Variants in MAGI1 observed in about 807,000 individuals in gnomAD.
The protein encoded by MAGI1 is membrane-associated guanylate kinase, WW and PDZ domain-containing protein 1.
Under a neutral mutation model 139.9 loss-of-function variants are expected in MAGI1, and 58 were observed. The ratio of observed to expected loss-of-function variants is 0.41; its 90% CI spans 0.34 to 0.52. The LOEUF (loss-of-function observed/expected upper bound fraction) is 0.52. Among genes scored for constraint, MAGI1 ranks in the 20% least tolerant of loss-of-function variants. The pLI, the probability that MAGI1 is intolerant of heterozygous loss-of-function variation, is 0.12. For missense variants in MAGI1, 1,874 were observed against 1,901.6 expected, an observed-to-expected ratio of 0.99 and a Z score of 0.27; for synonymous variants, 812 against 737.9, an observed-to-expected ratio of 1.10 and a Z score of -1.63.
chr3:65,531,928 A>G (rs1039091970), intron 2 of MAGI1, among the ~76,000 whole-genome samples: 1 of 152,174 alleles, frequency 6.6e-6, no homozygotes, highest in Admixed American at 6.5e-5. Flanking sequence ...AGCCATCACT[A>G]TTATTATTTT....
intron 2 of MAGI1, among the ~76,000 whole-genome samples, chr3:65,610,751 C>T (rs900362573): frequency 4.7e-5 from 1 of 21,180 alleles, no homozygotes; most frequent in Admixed American, 3.3e-4. Context: ...AGTATATATA[C>T]AGTATATATA....
At chr3:65,838,475 G>A (rs149708895) in intron 1 of MAGI1, among the ~76,000 whole-genome samples, 117 of 152,240 alleles carry the variant, frequency 7.7e-4, no homozygotes, top group African/African-American at 2.8e-3. Context: ...TACATAAATA[G>A]AATCATACAA....
At chr3:65,841,330 C>T (rs1376639805) in intron 1 of MAGI1, among the ~76,000 whole-genome samples, 1 of 151,822 alleles carries the variant, frequency 6.6e-6, no homozygotes, top group African/African-American at 2.4e-5. Flanking sequence ...GTTTATTTTG[C>T]TCCTCGTCTT....
chr3:65,417,213 T>C (rs769815490), intron 12 of MAGI1, among the ~76,000 whole-genome samples: 11 of 152,078 alleles, frequency 7.2e-5, no homozygotes, highest in Non-Finnish European at 1.3e-4. Flanking sequence ...GAATAGCTAA[T>C]GAATGCTAGG....
At chr3:65,505,241 G>A (rs1291188049) in intron 2 of MAGI1, among the ~76,000 whole-genome samples, 1 of 152,102 alleles carries the variant, frequency 6.6e-6, no homozygotes, top group Non-Finnish European at 1.5e-5. Context: ...ATTTCAACCA[G>A]ATAATTTTCA....
chr3:65,547,531 AAGGTACCCC>A (rs1456666817), intron 2 of MAGI1, among the ~76,000 whole-genome samples: 7 of 152,092 alleles, frequency 4.6e-5, no homozygotes, highest in Non-Finnish European at 1.0e-4. Flanking sequence ...TTGTCACCTC[AAGGTACCCC>A]AGAATGAAAC....
intron 2 of MAGI1, among the ~76,000 whole-genome samples, chr3:65,528,298 G>A (rs199797546): frequency 2.0e-4 from 30 of 152,102 alleles, no homozygotes; most frequent in Non-Finnish European, 3.8e-4. Context: ...TTATCTAAGC[G>A]TTTCTCAAAA....
intron 5 of MAGI1, among the ~76,000 whole-genome samples, chr3:65,465,195 C>T (rs1272962256): frequency 1.3e-5 from 2 of 151,086 alleles, no homozygotes; most frequent in African/African-American, 4.8e-5. Flanking sequence ...ACACTCAAAC[C>T]TAATTTGGAA....
In MAGI1 at chr3:65,915,435, G is replaced by A. The variant is rs749353842; in HGVS notation, c.313+122561C>T. Among the ~76,000 whole-genome samples, 67 of 152,146 alleles carry A rather than the reference G, an allele frequency of 4.4e-4. 1 individual carries two copies. Among genetic ancestry groups the A allele is most frequent in the Non-Finnish European group, 7.2e-4 (49 of 68,028 alleles). Reference sequence around the variant, plus strand: ...CCGTTCAAGTTACTCTTCTCACCTTGTCTTCCAGCAGATGATCTGCACACT... The same window carrying A: ...CCGTTCAAGTTACTCTTCTCACCTTATCTTCCAGCAGATGATCTGCACACT... On this transcript the variant is annotated intron_variant, in intron 1 of 22. Transcript: ENST00000402939.
At position 65,667,228 on chromosome 3, in the gene MAGI1, T is replaced by C. The variant is rs546672413; in HGVS notation, c.314-45140A>G. ...CTAGGCCTTCAGGGACAATTCAAAA[T>C]TGGGAAAGTAGGACTACAGTATGTG... On this transcript the variant is annotated intron_variant, in intron 1 of 22. Transcript: ENST00000402939. Among the ~76,000 whole-genome samples the C allele has an allele frequency of 8.5e-5, 13 of 152,210 alleles. No homozygotes were observed. The South Asian group carries it at 2.7e-3, about 32-fold the overall frequency.
intron 1 of MAGI1, among the ~76,000 whole-genome samples, chr3:65,908,758 G>A (rs1489265236): frequency 6.6e-6 from 1 of 152,106 alleles, no homozygotes; most frequent in African/African-American, 2.4e-5. Flanking sequence ...TGGAAAATGT[G>A]GATCAGCCTT....
intron 1 of MAGI1, among the ~76,000 whole-genome samples, chr3:65,904,531 T>C (rs2061361279): frequency 6.6e-6 from 1 of 152,162 alleles, no homozygotes; most frequent in Non-Finnish European, 1.5e-5. Flanking sequence ...CCCACTGTTC[T>C]ACCCCAGACC....
chr3:65,819,494 A>T (rs1466839568), intron 1 of MAGI1, among the ~76,000 whole-genome samples: 1 of 152,090 alleles, frequency 6.6e-6, no homozygotes, highest in Non-Finnish European at 1.5e-5. Flanking sequence ...GGCTAGAGAG[A>T]TCTTCCTTCA....
At chr3:65,369,655 C>T (rs960849314) in intron 18 of MAGI1, among the ~76,000 whole-genome samples, 6 of 152,034 alleles carry the variant, frequency 3.9e-5, no homozygotes, top group Non-Finnish European at 8.8e-5. Context: ...ACTACAGGCA[C>T]GCGCCACCAT....
intron 12 of MAGI1, among the ~76,000 whole-genome samples, chr3:65,402,790 G>A (rs1008460967): frequency 6.6e-6 from 1 of 152,148 alleles, no homozygotes; most frequent in African/African-American, 2.4e-5. Context: ...AGTGAGGCAT[G>A]ATGAGGATTA....
At chr3:65,916,702 T>G (rs2061923971) in intron 1 of MAGI1, among the ~76,000 whole-genome samples, 1 of 152,056 alleles carries the variant, frequency 6.6e-6, no homozygotes, top group Non-Finnish European at 1.5e-5. Context: ...CCTCCCACAG[T>G]GCTGAGATTA....
intron 1 of MAGI1, among the ~76,000 whole-genome samples, chr3:65,882,926 C>A (rs1293859305): frequency 7.4e-5 from 10 of 134,994 alleles, no homozygotes; most frequent in Non-Finnish European, 1.5e-4. Context: ...CAGAGCAAGA[C>A]CCTGTCTCAA....
Position 65,356,550 on chromosome 3 carries a change from G to A in MAGI1, c.4217C>T (p.Ser1406Phe), listed in dbSNP as rs1430251228. The A allele has an allele frequency of 5.0e-6, 8 of 1,609,050 alleles. No homozygotes were observed. The highest frequency in any genetic ancestry group is 6.8e-6 in the Non-Finnish European group (8 of 1,179,592). ...AKSTDRRRARSPERRRERSLD... is the reference protein window; with the variant it reads ...AKSTDRRRARFPERRRERSLD... ...GGACCGCTCTCTCCTGCGCTCGGGGGAGCGTGCGCGCCTCCGGTCGGTGGA... is the reference window on the plus strand; with the variant it reads ...GGACCGCTCTCTCCTGCGCTCGGGGAAGCGTGCGCGCCTCCGGTCGGTGGA... The change falls in exon 23 of 23, where the codon TCC (serine) becomes TTC (phenylalanine). Residue 1406 changes from serine to phenylalanine, a missense_variant. Around this residue, in one of 5 missense-constraint regions of MAGI1, gnomAD observed 653 missense variants for 644.5 expected, o/e 1.01. Coordinates refer to ENST00000402939, the MANE Select transcript of MAGI1 (RefSeq NM_001033057.2).
At chr3:65,831,957 G>A (rs1390896855) in intron 1 of MAGI1, among the ~76,000 whole-genome samples, 1 of 152,194 alleles carries the variant, frequency 6.6e-6, no homozygotes, top group Non-Finnish European at 1.5e-5. Context: ...AGTAATAATT[G>A]TGGGGGCCTT....
Sources: allele counts gnomAD v4.1 joint callset (sites outside exome capture counted in the v4.1 genomes callset), GRCh38; gene constraint gnomAD v4.1.1; regional missense constraint gnomAD v4.1.1; transcripts MANE v1.5; gene names NCBI Gene and HGNC (gene_info 2026-07-23, HGNC 2026-07-21).